PIEZO2: variants seen among roughly 807,000 people sequenced by gnomAD.
The protein encoded by PIEZO2 is piezo-type mechanosensitive ion channel component 2.
Under a neutral mutation model 337.3 loss-of-function variants are expected in PIEZO2, and 172 were observed. The ratio of observed to expected loss-of-function variants is 0.51; its 90% CI spans 0.45 to 0.58. The LOEUF is 0.58. PIEZO2 is among the 20% of genes least tolerant of loss of function. The pLI is 0.00. For missense variants in PIEZO2, 3,028 were observed against 3,391.3 expected, an observed-to-expected ratio of 0.89 and a Z score of 2.66; for synonymous variants, 1,251 against 1,228.5, an observed-to-expected ratio of 1.02 and a Z score of -0.38.
intron 1 of PIEZO2, among the ~76,000 whole-genome samples, chr18:11,147,124 T>C (rs1234048314): frequency 1.3e-5 from 2 of 152,246 alleles, no homozygotes; most frequent in East Asian, 3.9e-4. Context: ...AGAATCCCTT[T>C]CCCAAATCGC....
rs1204542328 is a variant in PIEZO2 at position 10,821,775 on chromosome 18, C to T, written c.918-14501G>A. Among the ~76,000 whole-genome samples the T allele has an allele frequency of 6.6e-6, 1 of 152,164 alleles. No individual in the cohort carries two copies. Among genetic ancestry groups the T allele is most frequent in the African/African-American group, 2.4e-5 (1 of 41,444 alleles). Reference sequence around the variant, plus strand: ...ACATAGACCTCAGGTGAACATACATCCTCTTTCAACTTCTTCCACACTTTT... The same window carrying T: ...ACATAGACCTCAGGTGAACATACATTCTCTTTCAACTTCTTCCACACTTTT... On this transcript the variant is annotated intron_variant, in intron 7 of 55. Coordinates refer to ENST00000674853, the MANE Select transcript of PIEZO2 (RefSeq NM_001378183.1). The surrounding 1 kb of genome is among the most constrained non-coding windows in gnomAD (Gnocchi z 4.2).
Position 10,714,858 on chromosome 18 carries a change from C to T in PIEZO2, c.5329G>A (p.Gly1777Arg). The change falls in exon 39 of 56, where the codon GGA becomes AGA. Residue 1777 changes from glycine to arginine, a missense_variant. Gly to Arg is a moderately radical substitution (Grantham distance 125). This residue lies in a region of PIEZO2 where 1,925 missense variants were observed against 2,051.9 expected (regional missense o/e 0.94). Coordinates refer to ENST00000674853, the MANE Select transcript of PIEZO2 (RefSeq NM_001378183.1). ...NHIMNLSRES[G>R]LDTIDEHPGA... ...GGATGCTCGTCAATGGTGTCCAGTC[C>T]CGACTCTCTGGAAAGGTTCATGATG... The T allele has an allele frequency of 6.5e-7, 1 of 1,537,190 alleles. No individual in the cohort carries two copies. The highest frequency in any genetic ancestry group is 8.7e-7 in the Non-Finnish European group (1 of 1,146,890).
Position 10,894,273 on chromosome 18 carries a change from G to A in PIEZO2, c.329+16913C>T, listed in dbSNP as rs543965750. Among the ~76,000 whole-genome samples, 20 of 152,048 alleles carry A rather than the reference G, an allele frequency of 1.3e-4. No individual in the cohort carries two copies. In the East Asian group the frequency reaches 3.3e-3, roughly 25 times the overall value. ...TTGAGACCAGCCTGGCCAACATGGA[G>A]AAATCCCCTCTGTACTAAAAATACA... On this transcript the variant is annotated intron_variant, in intron 4 of 55. Coordinates refer to ENST00000674853, the MANE Select transcript of PIEZO2 (RefSeq NM_001378183.1). The surrounding 1 kb of genome is among the most constrained non-coding windows in gnomAD (Gnocchi z 4.1).
intron 47 of PIEZO2, among the ~76,000 whole-genome samples, chr18:10,694,438 T>C (rs2143661704): frequency 6.6e-6 from 1 of 152,354 alleles, no homozygotes; most frequent in Non-Finnish European, 1.5e-5. Context: ...TGATATGTTA[T>C]TCATAAGACT....
intron 3 of PIEZO2, among the ~76,000 whole-genome samples, chr18:10,977,587 A>G (rs1321569611): frequency 6.6e-6 from 1 of 151,952 alleles, no homozygotes; most frequent in Non-Finnish European, 1.5e-5. Context: ...GAACCTGGTG[A>G]AATATAATAA....
At chr18:10,944,373 T>G (rs2032893314) in intron 3 of PIEZO2, among the ~76,000 whole-genome samples, 1 of 151,526 alleles carries the variant, frequency 6.6e-6, no homozygotes, top group Admixed American at 6.6e-5. Flanking sequence ...TTTTTCAGAT[T>G]GATGAAATCA....
rs2039765376 is a variant in PIEZO2 at position 10,800,333 on chromosome 18, C to T, written c.1378+4G>A. The T allele has an allele frequency of 2.6e-6, 4 of 1,533,378 alleles. No homozygotes were observed. Among genetic ancestry groups the T allele is most frequent in the African/African-American group, 1.4e-5 (1 of 72,952 alleles). The allele number at this position is 1,533,378 out of a possible 1,614,324, so 95.0% of individuals were successfully genotyped here. A position where few individuals can be genotyped will look rare whatever the true frequency, so the allele number is the denominator to read the frequency against. ...GCGACCCTGAGTGCAGGGCTGGCTC[C>T]TACCTGAGGATTCATCAGAGGGCTC... is the stretch of plus-strand genomic sequence containing the variant. On this transcript the variant is annotated splice_donor_region_variant and intron_variant, in intron 11 of 55. Transcript: ENST00000674853.
chr18:10,884,601 G>A (rs1373143554), intron 4 of PIEZO2, among the ~76,000 whole-genome samples: 2 of 152,194 alleles, frequency 1.3e-5, no homozygotes, highest in African/African-American at 2.4e-5. Context: ...TGCCTGCTTC[G>A]TGGAGGTGGG....
In PIEZO2 at chr18:11,143,701, T is replaced by C. The variant is rs1237280516; in HGVS notation, c.64+4824A>G. Reference sequence around the variant, plus strand: ...CTCTCTCTCTCACATAATTTGGCTCTAGGAAGGCACTAAGTTGCCTTCCCG... The same window carrying C: ...CTCTCTCTCTCACATAATTTGGCTCCAGGAAGGCACTAAGTTGCCTTCCCG... On this transcript the variant is annotated intron_variant, in intron 1 of 55. Transcript: ENST00000674853. The surrounding 1 kb of genome is among the most constrained non-coding windows in gnomAD (Gnocchi z 4.9). Among the ~76,000 whole-genome samples, 1 of 151,356 alleles carries C rather than the reference T, an allele frequency of 6.6e-6. No individual in the cohort carries two copies. Among genetic ancestry groups the C allele is most frequent in the African/African-American group, 2.4e-5 (1 of 41,182 alleles).
At chr18:11,024,882 G>GC (rs538498242) in intron 2 of PIEZO2, among the ~76,000 whole-genome samples, 76 of 151,594 alleles carry the variant, frequency 5.0e-4, no homozygotes, top group Middle Eastern at 3.5e-3. Flanking sequence ...TAGGTGATCT[G>GC]CCCCCCGTGG....
intron 3 of PIEZO2, among the ~76,000 whole-genome samples, chr18:10,977,301 C>CATATAT (rs111865766): frequency 6.2e-4 from 91 of 145,720 alleles, no homozygotes; most frequent in African/African-American, 2.2e-3. Context: ...GAATAAGTTA[C>CATATAT]ATATATATAT....
chr18:10,922,832 C>T (rs2031509130), intron 3 of PIEZO2, among the ~76,000 whole-genome samples: 1 of 152,096 alleles, frequency 6.6e-6, no homozygotes, highest in Non-Finnish European at 1.5e-5. Flanking sequence ...AGAACTATAA[C>T]ATACAGAACA....
Position 11,016,566 on chromosome 18 carries a change from C to T in PIEZO2, c.161-36906G>A, listed in dbSNP as rs1015626838. Reference sequence around the variant, plus strand: ...CAATTAGTTCATCAAAAGTAAGTAACGAGTTACTCATTTAAACAAGTGATA... The same window carrying T: ...CAATTAGTTCATCAAAAGTAAGTAATGAGTTACTCATTTAAACAAGTGATA... On this transcript the variant is annotated intron_variant, in intron 2 of 55. Coordinates refer to ENST00000674853, the MANE Select transcript of PIEZO2 (RefSeq NM_001378183.1). This position sits in a 1 kb window ranked among gnomAD's most constrained non-coding sequence, Gnocchi z 5.6. Among the ~76,000 whole-genome samples the T allele has an allele frequency of 2.6e-5, 4 of 152,056 alleles. No individual in the cohort carries two copies. Among genetic ancestry groups the T allele is most frequent in the Admixed American group, 2.0e-4 (3 of 15,252 alleles).
chr18:11,024,248 A>G (rs1386069613), intron 2 of PIEZO2, among the ~76,000 whole-genome samples: 1 of 136,100 alleles, frequency 7.3e-6, no homozygotes, highest in East Asian at 2.0e-4. Flanking sequence ...TACTTGGCTG[A>G]AAAAAAAATC....
chr18:10,964,059 A>G (rs918745256), intron 3 of PIEZO2, among the ~76,000 whole-genome samples: 3 of 152,200 alleles, frequency 2.0e-5, no homozygotes, highest in East Asian at 1.9e-4. Flanking sequence ...AAGCTCATCT[A>G]TGGGTATCAA....
chr18:10,952,692 G>A lies in PIEZO2; in HGVS notation c.286+26843C>T, dbSNP rs190487787. Among the ~76,000 whole-genome samples the A allele has an allele frequency of 6.4e-4, 97 of 152,230 alleles. No individual in the cohort carries two copies. Among genetic ancestry groups the A allele is most frequent in the Admixed American group, 1.1e-3 (17 of 15,288 alleles). On this transcript the variant is annotated intron_variant, in intron 3 of 55. Transcript: ENST00000674853. The surrounding 1 kb of genome is among the most constrained non-coding windows in gnomAD (Gnocchi z 4.1). ...AAAGTCAAATTTTCACTTCACCGGA[G>A]GAAATATCACCCAGTGGGATTCCTG... is the stretch of plus-strand genomic sequence containing the variant.
chr18:11,026,978 C>G (rs973311916), intron 2 of PIEZO2, among the ~76,000 whole-genome samples: 3 of 152,140 alleles, frequency 2.0e-5, no homozygotes, highest in Middle Eastern at 3.2e-3. Flanking sequence ...TGGGAGCGCT[C>G]GTCTCCAAGC....
chr18:10,887,923 G>C (rs1163433883), intron 4 of PIEZO2, among the ~76,000 whole-genome samples: 1 of 152,120 alleles, frequency 6.6e-6, no homozygotes, highest in African/African-American at 2.4e-5. Context: ...TCACCTAGTC[G>C]AATTGGCGTG....
At chr18:10,720,173 A>G (rs1174110270) in intron 36 of PIEZO2, among the ~76,000 whole-genome samples, 5 of 146,244 alleles carry the variant, frequency 3.4e-5, no homozygotes, top group Non-Finnish European at 1.5e-5. Context: ...AAAAACTCAA[A>G]CTGGGCTTCA....
Sources: allele counts gnomAD v4.1 joint callset (sites outside exome capture counted in the v4.1 genomes callset), GRCh38; gene constraint gnomAD v4.1.1; regional missense constraint gnomAD v4.1.1; non-coding constraint Gnocchi (gnomAD v3.1); transcripts MANE v1.5; gene names NCBI Gene and HGNC (gene_info 2026-07-23, HGNC 2026-07-21).